Variants in CDH4 observed in about 807,000 individuals in gnomAD.
CDH4 encodes cadherin 4.
A neutral mutation model predicts 86.0 loss-of-function variants in CDH4; 33 were observed. The ratio of observed to expected loss-of-function variants is 0.38; its 90% CI spans 0.29 to 0.51. The LOEUF is 0.51. CDH4 is among the 20% of genes least tolerant of loss of function. The probability of loss-of-function intolerance (pLI) is 0.86; values close to 1 mark genes in which losing one functional copy is unlikely to be tolerated. For synonymous variants in CDH4, 555 were observed against 549.4 expected (o/e 1.01, Z -0.14); for missense variants, 1,114 against 1,307.4 (o/e 0.85, Z 2.28).
chr20:61,291,166 G>C (rs1046926719), intron 2 of CDH4, among the ~76,000 whole-genome samples: 1 of 152,224 alleles, frequency 6.6e-6, no homozygotes, highest in Non-Finnish European at 1.5e-5. Context: ...TCCTGTCTCT[G>C]AGTCTCACTG....
At chr20:61,496,090 A>G (rs185156129) in intron 2 of CDH4, among the ~76,000 whole-genome samples, 3 of 152,072 alleles carry the variant, frequency 2.0e-5, no homozygotes, top group African/African-American at 4.8e-5. Flanking sequence ...ACGGACATCT[A>G]TATACCCACT....
intron 2 of CDH4, among the ~76,000 whole-genome samples, chr20:61,433,341 C>T (rs1039636077): frequency 1.3e-5 from 2 of 152,196 alleles, no homozygotes; most frequent in African/African-American, 4.8e-5. Context: ...TCACCCTGCT[C>T]TGACGCCTTC....
chr20:61,786,611 G>A (rs952286118), intron 4 of CDH4, among the ~76,000 whole-genome samples: 1 of 152,172 alleles, frequency 6.6e-6, no homozygotes, highest in African/African-American at 2.4e-5. Flanking sequence ...AGAAATGAAA[G>A]TAAAATCAAA....
intron 7 of CDH4, among the ~76,000 whole-genome samples, chr20:61,881,678 G>A (rs1396536886): frequency 2.0e-5 from 3 of 152,230 alleles, no homozygotes; most frequent in African/African-American, 7.2e-5. Flanking sequence ...GGGGCGGCAC[G>A]TGGGGGACTG....
rs1016579713 is a variant in CDH4, at chr20:61,741,141, G to A, written c.170-2422G>A. On this transcript the variant is annotated intron_variant, in intron 2 of 15. Transcript: ENST00000614565. ...GAAGAATTACTTGAACCTGGGAGGC[G>A]GAGGTTGCAATGAGCCAAGACGGCA... 7.9e-5 allele frequency among the ~76,000 whole-genome samples: 12 copies of A among 152,134 alleles called. No homozygotes were observed. The East Asian group carries it at 1.2e-3, about 15-fold the overall frequency.
chr20:61,504,806 G>C (rs779092912), intron 2 of CDH4, among the ~76,000 whole-genome samples: 3 of 152,166 alleles, frequency 2.0e-5, no homozygotes, highest in Non-Finnish European at 4.4e-5. Context: ...CACTACCCTT[G>C]ATCTCGGCAC....
At chr20:61,862,746 G>GATCATTTAACTAAAAA (rs1983384042) in intron 6 of CDH4, among the ~76,000 whole-genome samples, 1 of 152,210 alleles carries the variant, frequency 6.6e-6, no homozygotes, top group Admixed American at 6.5e-5. Flanking sequence ...AACTAAAAAG[G>GATCATTTAACTAAAAA]GCTCTAATCG....
At chr20:61,600,182 G>A (rs1280258503) in intron 2 of CDH4, among the ~76,000 whole-genome samples, 1 of 152,242 alleles carries the variant, frequency 6.6e-6, no homozygotes, top group Non-Finnish European at 1.5e-5. Flanking sequence ...CGGTGAGGCC[G>A]CTGCTGCAGA....
chr20:61,271,442 A>G (rs1191506779), intron 2 of CDH4, among the ~76,000 whole-genome samples: 2 of 152,206 alleles, frequency 1.3e-5, no homozygotes, highest in Non-Finnish European at 2.9e-5. Flanking sequence ...CTCAGCATCC[A>G]GCCCTGCTGA....
intron 9 of CDH4, among the ~76,000 whole-genome samples, chr20:61,916,553 CTTCA>C (rs1164364119): frequency 1.3e-5 from 2 of 152,246 alleles, no homozygotes; most frequent in African/African-American, 2.4e-5. Context: ...TCCTCATCGT[CTTCA>C]TTGTCACTGC....
chr20:61,674,948 C>A (rs1041368223), intron 2 of CDH4, among the ~76,000 whole-genome samples: 2 of 152,226 alleles, frequency 1.3e-5, no homozygotes, highest in Admixed American at 1.3e-4. Context: ...CTGCCTTTGC[C>A]TCTGCTGTGG....
intron 9 of CDH4, among the ~76,000 whole-genome samples, chr20:61,922,901 G>A (rs144967735): frequency 1.4e-4 from 22 of 152,324 alleles, no homozygotes; most frequent in African/African-American, 4.6e-4. Flanking sequence ...GATTACAGGC[G>A]TGCATGACCG....
At chr20:61,513,308 C>T (rs2427150) in intron 2 of CDH4, among the ~76,000 whole-genome samples, 86,546 of 152,106 alleles carry the variant, frequency 0.57, 25,464 homozygotes, top group African/African-American at 0.71. Context: ...GGAACATCCA[C>T]GGTCTCTGCA....
intron 2 of CDH4, among the ~76,000 whole-genome samples, chr20:61,739,770 A>C (rs1007175861): frequency 2.0e-5 from 3 of 152,240 alleles, no homozygotes; most frequent in African/African-American, 7.2e-5. Context: ...GGCAGACAGC[A>C]GGCCGCTCCC....
intron 2 of CDH4, among the ~76,000 whole-genome samples, chr20:61,336,429 A>G (rs1292180264): frequency 6.6e-6 from 1 of 151,918 alleles, no homozygotes; most frequent in African/African-American, 2.4e-5. Flanking sequence ...AACCACCACC[A>G]CCACCACGAC....
intron 4 of CDH4, 85 bp from the exon 5 acceptor site, chr20:61,844,583 A>C: frequency 7.5e-7 from 1 of 1,340,526 alleles, no homozygotes; most frequent in Non-Finnish European, 1.0e-6. Flanking sequence ...CGAGGAACTC[A>C]TGAGAGGGGA....
intron 2 of CDH4, among the ~76,000 whole-genome samples, chr20:61,613,996 G>A (rs541775124): frequency 9.2e-5 from 14 of 152,234 alleles, no homozygotes; most frequent in Admixed American, 2.6e-4. Context: ...GCAGATGTTC[G>A]TCCTGCAGAG....
chr20:61,391,895 G>T (rs1413950504), intron 2 of CDH4, among the ~76,000 whole-genome samples: 4 of 151,904 alleles, frequency 2.6e-5, no homozygotes, highest in Admixed American at 2.0e-4. Context: ...GGGCCTGCAG[G>T]GCTCTGGGAT....
intron 2 of CDH4, among the ~76,000 whole-genome samples, chr20:61,624,447 G>T (rs2086809490): frequency 6.6e-6 from 1 of 152,176 alleles, no homozygotes; most frequent in South Asian, 2.1e-4. Flanking sequence ...CAGGAGAGAG[G>T]CTTAGCTCAC....
Sources: allele counts gnomAD v4.1 joint callset (sites outside exome capture counted in the v4.1 genomes callset), GRCh38; gene constraint gnomAD v4.1.1; transcripts MANE v1.5; gene names NCBI Gene and HGNC (gene_info 2026-07-23, HGNC 2026-07-21).